Variants in ZNRF3 observed in about 807,000 individuals in gnomAD.
The protein encoded by ZNRF3 is zinc and ring finger 3.
ZNRF3 carries 23 observed loss-of-function variants against 72.5 expected under a neutral mutation model. That is an observed-to-expected ratio of 0.32 (90% CI 0.23 to 0.45). The LOEUF (loss-of-function observed/expected upper bound fraction) is 0.45, where lower values mean the gene tolerates loss of function less well. Ranked by LOEUF, ZNRF3 falls within the 20% of genes least tolerant of loss-of-function variation. ZNRF3 has a pLI of 1.00. For synonymous variants in ZNRF3, 610 were observed against 545.3 expected, an observed-to-expected ratio of 1.12 and a Z score of -1.65; for missense variants, 1,169 against 1,272.1, an observed-to-expected ratio of 0.92 and a Z score of 1.23.
At chr22:29,005,983 G>A (rs989086752) in intron 2 of ZNRF3, among the ~76,000 whole-genome samples, 7 of 151,504 alleles carry the variant, frequency 4.6e-5, no homozygotes, top group Admixed American at 4.6e-4. Context: ...GCAGTGAGCT[G>A]AGATTGCGCC....
intron 1 of ZNRF3, among the ~76,000 whole-genome samples, chr22:28,937,205 ATATATATATATTTT>A (rs1241670968): frequency 2.5e-4 from 1 of 4,058 alleles, no homozygotes; most frequent in African/African-American, 4.4e-4. Context: ...ATATATATAT[ATATATATATATTTT>A]TTTTTTTTTT....
intron 2 of ZNRF3, among the ~76,000 whole-genome samples, chr22:29,036,190 C>T (rs925660520): frequency 6.6e-6 from 1 of 152,136 alleles, no homozygotes; most frequent in African/African-American, 2.4e-5. Flanking sequence ...ATATCATGCA[C>T]ATATTACCCT....
intron 1 of ZNRF3, among the ~76,000 whole-genome samples, chr22:28,955,301 C>G (rs1342547779): frequency 6.6e-6 from 1 of 152,110 alleles, no homozygotes; most frequent in African/African-American, 2.4e-5. Flanking sequence ...CCTTCACCAG[C>G]CTTCCAAAAT....
intron 2 of ZNRF3, chr22:29,026,878 A>G (rs2036646043): frequency 6.6e-6 from 1 of 152,216 alleles, no homozygotes; most frequent in Admixed American, 6.5e-5. Flanking sequence ...AGACATCACA[A>G]AAAGCTCAAT....
intron 1 of ZNRF3, among the ~76,000 whole-genome samples, chr22:28,956,205 T>C (rs1190007283): frequency 1.3e-5 from 2 of 152,012 alleles, no homozygotes; most frequent in African/African-American, 2.4e-5. Flanking sequence ...TAATGTGATG[T>C]GTGGGGCCTT....
At chr22:28,904,392 G>T (rs999005893) in intron 1 of ZNRF3, among the ~76,000 whole-genome samples, 1 of 152,202 alleles carries the variant, frequency 6.6e-6, no homozygotes, top group Admixed American at 6.5e-5. Context: ...AAACTCAACT[G>T]CTCGTTCACT....
chr22:28,992,810 G>A (rs2035980024), intron 2 of ZNRF3: 1 of 152,238 alleles, frequency 6.6e-6, no homozygotes, highest in Non-Finnish European at 1.5e-5. Context: ...TGGTCTATGT[G>A]TACTACATAG....
intron 1 of ZNRF3, among the ~76,000 whole-genome samples, chr22:28,952,499 T>G (rs1189983614): frequency 6.6e-6 from 1 of 151,694 alleles, no homozygotes; most frequent in African/African-American, 2.4e-5. Flanking sequence ...TTCCATGTTT[T>G]TTTTTTTTTT....
intron 2 of ZNRF3, chr22:29,018,652 G>A (rs945141766): frequency 6.6e-6 from 1 of 152,376 alleles, no homozygotes; most frequent in Non-Finnish European, 1.5e-5. Context: ...TAAGTGAGTT[G>A]GGACCATGTA....
At chr22:28,932,777 G>A (rs1001614087) in intron 1 of ZNRF3, among the ~76,000 whole-genome samples, 1 of 152,186 alleles carries the variant, frequency 6.6e-6, no homozygotes, top group Non-Finnish European at 1.5e-5. Flanking sequence ...GTCACCAAAT[G>A]TCTGTCTGCC....
At chr22:28,897,391 G>A (rs981182310) in intron 1 of ZNRF3, among the ~76,000 whole-genome samples, 2 of 152,174 alleles carry the variant, frequency 1.3e-5, no homozygotes, top group Non-Finnish European at 2.9e-5. Flanking sequence ...CGTGATCTCC[G>A]TTCACTGCAA....
At chr22:28,992,894 G>C (rs746544388) in intron 2 of ZNRF3, 13 of 152,448 alleles carry the variant, frequency 8.5e-5, no homozygotes, top group Non-Finnish European at 1.3e-4. Flanking sequence ...GTGGACTGGA[G>C]GAGTTGGGCA....
chr22:28,913,185 T>C (rs1014408886), intron 1 of ZNRF3, among the ~76,000 whole-genome samples: 10 of 152,240 alleles, frequency 6.6e-5, no homozygotes, highest in Non-Finnish European at 1.5e-4. Flanking sequence ...TGTTCTGTGG[T>C]GAAAGGGTTC....
At chr22:28,952,844 C>CT (rs1482584480) in intron 1 of ZNRF3, among the ~76,000 whole-genome samples, 2 of 152,180 alleles carry the variant, frequency 1.3e-5, no homozygotes, top group Non-Finnish European at 2.9e-5. Context: ...GTTCCTGTGT[C>CT]TGAGTCTGCT....
chr22:29,029,763 G>C (rs1471924144), intron 2 of ZNRF3, among the ~76,000 whole-genome samples: 1 of 152,170 alleles, frequency 6.6e-6, no homozygotes, highest in Non-Finnish European at 1.5e-5. Context: ...GAGAAGCATA[G>C]CTGCCCCTGT....
At chr22:28,960,896 A>G (rs1029725554) in intron 1 of ZNRF3, among the ~76,000 whole-genome samples, 1 of 152,166 alleles carries the variant, frequency 6.6e-6, no homozygotes, top group Non-Finnish European at 1.5e-5. Context: ...AAGCTACATC[A>G]TCCTTGGCTT....
At chr22:29,003,225 C>T (rs1355912777) in intron 2 of ZNRF3, among the ~76,000 whole-genome samples, 2 of 152,066 alleles carry the variant, frequency 1.3e-5, no homozygotes, top group African/African-American at 4.8e-5. Flanking sequence ...AAATAGAATC[C>T]ATTTGTTTTG....
chr22:28,927,229 G>A (rs754364406), intron 1 of ZNRF3, among the ~76,000 whole-genome samples: 3 of 152,096 alleles, frequency 2.0e-5, no homozygotes, highest in South Asian at 2.1e-4. Flanking sequence ...AAATGTTAAC[G>A]CTTTCATAGA....
intron 2 of ZNRF3, among the ~76,000 whole-genome samples, chr22:29,023,490 G>A (rs1452571562): frequency 6.6e-6 from 1 of 152,202 alleles, no homozygotes; most frequent in East Asian, 1.9e-4. Context: ...GGACTGCAGT[G>A]ACTTTCAAGT....
Sources: gnomAD v4.1 joint callset for allele counts (sites outside exome capture counted in the v4.1 genomes callset) on GRCh38, gnomAD v4.1.1 for gene constraint, MANE v1.5 for transcripts, NCBI Gene and HGNC (gene_info 2026-07-23, HGNC 2026-07-21) for gene names.